Variants in HIBADH observed in about 807,000 individuals in gnomAD.
HIBADH encodes the protein 3-hydroxyisobutyrate dehydrogenase, also known as 3-hydroxyisobutyrate dehydrogenase, mitochondrial.
A neutral mutation model predicts 36.1 loss-of-function variants in HIBADH; 25 were observed. That is an observed-to-expected ratio of 0.69 (90% CI 0.50 to 0.97). The LOEUF (loss-of-function observed/expected upper bound fraction) is 0.97, where lower values mean the gene tolerates loss of function less well. Among genes scored for constraint, HIBADH ranks in the 50% least tolerant of loss-of-function variants. The pLI, the probability that HIBADH is intolerant of heterozygous loss-of-function variation, is 0.00. For synonymous variants in HIBADH, 160 were observed against 149.5 expected (o/e 1.07, Z -0.51); for missense variants, 421 against 418.0 (o/e 1.01, Z -0.06).
At chr7:27,577,361 C>A (rs1176968010) in intron 4 of HIBADH, among the ~76,000 whole-genome samples, 1 of 152,012 alleles carries the variant, frequency 6.6e-6, no homozygotes, top group Admixed American at 6.6e-5. Context: ...TGGGGTTTCT[C>A]CATGTTGGCC....
chr7:27,559,082 G>A (rs948347448), intron 4 of HIBADH, among the ~76,000 whole-genome samples: 5 of 152,138 alleles, frequency 3.3e-5, no homozygotes, highest in Non-Finnish European at 2.9e-5. Flanking sequence ...TTTCTCTTTG[G>A]TTTGTGGATG....
chr7:27,635,802 T>C (rs1237941620), intron 2 of HIBADH, among the ~76,000 whole-genome samples: 2 of 152,118 alleles, frequency 1.3e-5, no homozygotes, highest in African/African-American at 4.8e-5. Flanking sequence ...CAGACAGATC[T>C]CCTGCTAATT....
chr7:27,586,772 T>C (rs1784871175), intron 4 of HIBADH, among the ~76,000 whole-genome samples: 1 of 152,196 alleles, frequency 6.6e-6, no homozygotes, highest in South Asian at 2.1e-4. Context: ...TCGACTTTCC[T>C]GGGACAGATT....
At chr7:27,581,634 G>GC (rs1784790837) in intron 4 of HIBADH, among the ~76,000 whole-genome samples, 1 of 152,016 alleles carries the variant, frequency 6.6e-6, no homozygotes, top group Non-Finnish European at 1.5e-5. Flanking sequence ...TATACATTGT[G>GC]CAATGATTAA....
At chr7:27,659,722 T>C (rs1157061783) in intron 1 of HIBADH, among the ~76,000 whole-genome samples, 1 of 148,534 alleles carries the variant, frequency 6.7e-6, no homozygotes, top group Non-Finnish European at 1.5e-5. Flanking sequence ...AGAGACCCCA[T>C]CTCAAATAAA....
At chr7:27,599,574 G>T (rs953396432) in intron 4 of HIBADH, among the ~76,000 whole-genome samples, 5 of 149,678 alleles carry the variant, frequency 3.3e-5, no homozygotes, top group African/African-American at 2.5e-5. Context: ...CCCAGCTACT[G>T]GGGAGGCTGA....
Position 27,526,307 on chromosome 7 carries a change from G to C in HIBADH, c.918C>G (p.Ala306=), listed in dbSNP as rs144470429. ...TKSPILLGSL[A]HQIYRMMCAK... ...CACACATCATCCTGTAGATCTGATG[G>C]GCCAGACTGCCAAGAAGGATTGGGC... Residue 306 remains alanine (A), a synonymous_variant, in exon 8 of 8, where the codon GCC becomes GCG. Coordinates refer to ENST00000265395, the MANE Select transcript of HIBADH (RefSeq NM_152740.4). 2.1e-5 allele frequency: 34 copies of C among 1,613,510 alleles called. No homozygotes were observed. Among genetic ancestry groups the C allele is most frequent in the Non-Finnish European group, 2.4e-5 (28 of 1,179,824 alleles).
At chr7:27,625,093 A>G (rs1353292231) in intron 4 of HIBADH, among the ~76,000 whole-genome samples, 14 of 152,208 alleles carry the variant, frequency 9.2e-5, no homozygotes, top group Non-Finnish European at 1.5e-5. Context: ...CAACCACATA[A>G]TGGCAATACA....
At chr7:27,534,136 G>A (rs1172730335) in intron 6 of HIBADH, among the ~76,000 whole-genome samples, 1 of 152,138 alleles carries the variant, frequency 6.6e-6, no homozygotes, top group Non-Finnish European at 1.5e-5. Context: ...ATGAGGTTTG[G>A]AAGAAGTAAA....
rs534298988 is a variant in HIBADH, at chr7:27,580,422, T to C, written c.485-37322A>G. Among the ~76,000 whole-genome samples the C allele has an allele frequency of 2.0e-5, 3 of 152,120 alleles. No homozygotes were observed. In the East Asian group the frequency reaches 5.8e-4, roughly 29 times the overall value. Reference sequence around the variant, plus strand: ...CCAATAACAACAACAACAACAAAAATCCAGATAACTAGGACTGTGTGCATA... The same window carrying C: ...CCAATAACAACAACAACAACAAAAACCCAGATAACTAGGACTGTGTGCATA... On this transcript the variant is annotated intron_variant, in intron 4 of 7. Coordinates refer to ENST00000265395, the MANE Select transcript of HIBADH (RefSeq NM_152740.4).
At chr7:27,641,757 C>T (rs187536057) in intron 2 of HIBADH, among the ~76,000 whole-genome samples, 91 of 151,166 alleles carry the variant, frequency 6.0e-4, no homozygotes, top group African/African-American at 1.3e-3. Flanking sequence ...AAGCTGCCAA[C>T]GTAAATCATT....
chr7:27,609,525 G>C (rs1261710661), intron 4 of HIBADH, among the ~76,000 whole-genome samples: 2 of 152,102 alleles, frequency 1.3e-5, no homozygotes, highest in African/African-American at 4.8e-5. Context: ...GTAAAATTAT[G>C]GGAAAATGTA....
At chr7:27,541,062 A>ATCCTTTCCT (rs1784142854) in intron 5 of HIBADH, among the ~76,000 whole-genome samples, 1 of 152,002 alleles carries the variant, frequency 6.6e-6, no homozygotes, top group Non-Finnish European at 1.5e-5. Context: ...CAGTAGAGTT[A>ATCCTTTCCT]GCCTATCCTT....
chr7:27,548,620 C>T (rs1412308964), intron 4 of HIBADH, among the ~76,000 whole-genome samples: 2 of 152,096 alleles, frequency 1.3e-5, no homozygotes. Flanking sequence ...AAAATAAGGA[C>T]TTGTTTTCTG....
intron 4 of HIBADH, among the ~76,000 whole-genome samples, chr7:27,613,618 T>C (rs1384456134): frequency 1.3e-5 from 2 of 151,438 alleles, no homozygotes; most frequent in East Asian, 1.9e-4. Context: ...ATCAGCTGTA[T>C]AGATTAAATC....
intron 2 of HIBADH, among the ~76,000 whole-genome samples, chr7:27,645,368 A>ATGTTTTGTTT (rs1554300959): frequency 1.7e-5 from 1 of 59,652 alleles, no homozygotes; most frequent in African/African-American, 6.3e-5. Flanking sequence ...CATGGTTTTG[A>ATGTTTTGTTT]TTTTTTTTTT....
rs75752460 is a variant in HIBADH at position 27,543,711 on chromosome 7, T to C, written c.485-611A>G. On this transcript the variant is annotated intron_variant, in intron 4 of 7. Coordinates refer to ENST00000265395, the MANE Select transcript of HIBADH (RefSeq NM_152740.4). ...TTCTCATATGTACTTTTCAATATTA[T>C]TTGATTTTTCTTTTCCTTCCTGCTA... is the stretch of plus-strand genomic sequence containing the variant. 9.0e-3 allele frequency among the ~76,000 whole-genome samples: 1,369 copies of C among 152,194 alleles called. 24 individuals are homozygous for C. The highest frequency in any genetic ancestry group is 0.031 in the African/African-American group (1,303 of 41,584).
chr7:27,612,987 TTA>T (rs945149591), intron 4 of HIBADH, among the ~76,000 whole-genome samples: 5 of 137,426 alleles, frequency 3.6e-5, no homozygotes, highest in East Asian at 2.0e-4. Flanking sequence ...TATATATATT[TTA>T]TATATATAGG....
rs1437366333 is a variant in HIBADH at position 27,662,707 on chromosome 7, AGCTGCCG to A, written c.75_81del (p.Gly26LeufsTer32). On this transcript the variant is annotated frameshift_variant, in exon 1 of 8. Transcript: ENST00000265395. LOFTEE classifies it high-confidence loss of function. ...GGCGTGAGGTCCTTACCCGCTGCAA[AGCTGCCG>A]GCTGCCGGCCGCAGCCGCCGGCTCC... 2.9e-6 allele frequency: 4 copies of A among 1,366,576 alleles called. No homozygotes were observed. Among genetic ancestry groups the A allele is most frequent in the Non-Finnish European group, 3.8e-6 (4 of 1,053,368 alleles). The allele number at this position is 1,366,576 out of a possible 1,614,324, so 84.7% of individuals were successfully genotyped here. A position where few individuals can be genotyped will look rare whatever the true frequency, so the allele number is the denominator to read the frequency against.
Sources: gnomAD v4.1 joint callset for allele counts (sites outside exome capture counted in the v4.1 genomes callset) on GRCh38, gnomAD v4.1.1 for gene constraint, MANE v1.5 for transcripts, NCBI Gene and HGNC (gene_info 2026-07-23, HGNC 2026-07-21) for gene names.